The following FBN2 variants were observed in gnomAD, a reference collection of about 807,000 sequenced individuals.
FBN2 encodes the protein fibrillin 2, also known as fibrillin-2.
A neutral mutation model predicts 355.6 loss-of-function variants in FBN2; 105 were observed. That is an observed-to-expected ratio of 0.30 (90% confidence interval 0.25 to 0.35). The LOEUF (loss-of-function observed/expected upper bound fraction) is 0.35, where lower values mean the gene tolerates loss of function less well. Among genes scored for constraint, FBN2 ranks in the 10% least tolerant of loss-of-function variants. The pLI is 1.00. For synonymous variants in FBN2, 1,350 were observed against 1,301.2 expected (o/e 1.04, Z -0.81); for missense variants, 3,280 against 3,758.7 (o/e 0.87, Z 3.33).
chr5:128,520,872 T>C (rs1228438354), intron 4 of FBN2, among the ~76,000 whole-genome samples: 1 of 151,868 alleles, frequency 6.6e-6, no homozygotes, highest in Admixed American at 6.6e-5. Flanking sequence ...TTCCCACTCA[T>C]CATTGCCTTG....
intron 2 of FBN2, among the ~76,000 whole-genome samples, chr5:128,533,458 C>A (rs182534888): frequency 1.2e-3 from 188 of 152,278 alleles, no homozygotes; most frequent in Non-Finnish European, 2.0e-3. Flanking sequence ...TTACTGAATA[C>A]GTCCCTCCCA....
chr5:128,328,540 A>T, intron 34 of FBN2, 156 bp downstream of exon 34: 1 of 814,504 alleles, frequency 1.2e-6, no homozygotes, highest in Admixed American at 2.0e-5. Context: ...ATCATTATTC[A>T]TTCGGCAAAA....
intron 46 of FBN2, 89 bp from the exon 47 acceptor site, chr5:128,301,599 C>A (rs1749722328): frequency 7.8e-7 from 1 of 1,279,632 alleles, no homozygotes; most frequent in Non-Finnish European, 1.1e-6. Context: ...TACTTATTGG[C>A]ATGCATTTAT....
At chr5:128,518,800 G>C (rs1245428852) in intron 5 of FBN2, among the ~76,000 whole-genome samples, 1 of 152,168 alleles carries the variant, frequency 6.6e-6, no homozygotes, top group African/African-American at 2.4e-5. Flanking sequence ...CAGAGTAACA[G>C]GGTAAAAGCC....
chr5:128,284,500 A>G (rs1055109362), intron 55 of FBN2, among the ~76,000 whole-genome samples: 1 of 152,202 alleles, frequency 6.6e-6, no homozygotes, highest in Non-Finnish European at 1.5e-5. Context: ...GGTCTTGTGT[A>G]ATTACTCATC....
chr5:128,524,785 T>G (rs2112794579), intron 4 of FBN2, among the ~76,000 whole-genome samples: 1 of 152,290 alleles, frequency 6.6e-6, no homozygotes, highest in Middle Eastern at 3.4e-3. Flanking sequence ...TTGTGTTTGC[T>G]ACACATTTTG....
At chr5:128,504,071 G>A (rs1226228652) in intron 5 of FBN2, among the ~76,000 whole-genome samples, 1 of 152,232 alleles carries the variant, frequency 6.6e-6, no homozygotes, top group East Asian at 1.9e-4. Context: ...GAGGTTGTAA[G>A]CCCTAAACCT....
intron 20 of FBN2, among the ~76,000 whole-genome samples, chr5:128,352,600 C>A (rs868352881): frequency 1.3e-4 from 20 of 152,158 alleles, no homozygotes; most frequent in Admixed American, 3.3e-4. Context: ...TAAAACAAAT[C>A]ATATGTCATG....
intron 8 of FBN2, among the ~76,000 whole-genome samples, chr5:128,403,537 T>C (rs774616222): frequency 6.6e-6 from 1 of 152,182 alleles, no homozygotes; most frequent in Non-Finnish European, 1.5e-5. Flanking sequence ...CGTTATTTAT[T>C]GCTGGCTGCC....
chr5:128,310,199 C>A (rs1283091964), intron 39 of FBN2, 91 bp from the exon 40 acceptor site: 5 of 1,094,774 alleles, frequency 4.6e-6, no homozygotes, highest in South Asian at 1.4e-5. Flanking sequence ...ATAGGTGATT[C>A]TCTAAATCCC....
chr5:128,311,200 G>T, intron 39 of FBN2, 100 bp downstream of exon 39: 9 of 1,239,890 alleles, frequency 7.3e-6, no homozygotes, highest in African/African-American at 1.5e-5. Flanking sequence ...AATCTTAATT[G>T]AGCCTTTTGT....
At chr5:128,423,633 A>G (rs1369463276) in intron 7 of FBN2, among the ~76,000 whole-genome samples, 1 of 152,184 alleles carries the variant, frequency 6.6e-6, no homozygotes, top group Non-Finnish European at 1.5e-5. Context: ...GAAGGAACTA[A>G]ATAAATCTAC....
At chr5:128,537,284 G>T in intron 1 of FBN2, 66 bp downstream of exon 1, 1 of 1,596,098 alleles carries the variant, frequency 6.3e-7, no homozygotes. Context: ...CCAGAAAGCC[G>T]CCAAACTGAG....
At chr5:128,260,803 G>C (rs1269094289) in intron 64 of FBN2, among the ~76,000 whole-genome samples, 1 of 152,178 alleles carries the variant, frequency 6.6e-6, no homozygotes, top group East Asian at 1.9e-4. Flanking sequence ...ACTGAAGCAA[G>C]TTGTCCAATT....
At chr5:128,325,044 T>C (rs1230405571) in intron 34 of FBN2, among the ~76,000 whole-genome samples, 2 of 152,190 alleles carry the variant, frequency 1.3e-5, no homozygotes, top group African/African-American at 4.8e-5. Context: ...TGGTCAATTT[T>C]AGAATAAGTG....
intron 6 of FBN2, among the ~76,000 whole-genome samples, chr5:128,451,611 G>A (rs923012488): frequency 1.3e-5 from 2 of 152,058 alleles, no homozygotes; most frequent in Non-Finnish European, 2.9e-5. Context: ...TGTTGGTCAG[G>A]CTGGTCTCGA....
intron 18 of FBN2, among the ~76,000 whole-genome samples, chr5:128,363,642 G>A (rs929287679): frequency 6.6e-6 from 1 of 152,210 alleles, no homozygotes; most frequent in Non-Finnish European, 1.5e-5. Flanking sequence ...TAATGAGGTT[G>A]TTAGGGTAGG....
chr5:128,328,471 A>G, intron 34 of FBN2: 1 of 625,306 alleles, frequency 1.6e-6, no homozygotes, highest in Non-Finnish European at 2.8e-6. Flanking sequence ...AGAATGATCC[A>G]AACTTCCAAC....
chr5:128,287,742 C>T (rs1163642021), intron 53 of FBN2, among the ~76,000 whole-genome samples: 3 of 152,116 alleles, frequency 2.0e-5, no homozygotes, highest in African/African-American at 7.2e-5. Flanking sequence ...TGACCATGGC[C>T]TGGCAGTGCT....
Sources: gnomAD v4.1 joint callset for allele counts (sites outside exome capture counted in the v4.1 genomes callset) on GRCh38, gnomAD v4.1.1 for gene constraint, MANE v1.5 for transcripts, NCBI Gene and HGNC (gene_info 2026-07-23, HGNC 2026-07-21) for gene names.